STOX2: variants seen among roughly 807,000 people sequenced by gnomAD.
STOX2 encodes storkhead box 2.
Under a neutral mutation model 60.9 loss-of-function variants are expected in STOX2, and 28 were observed. That is an observed-to-expected ratio of 0.46 (90% CI 0.34 to 0.63). STOX2 has a LOEUF of 0.63. STOX2 is among the 30% of genes least tolerant of loss of function. The pLI is 0.01. For synonymous variants in STOX2, 472 were observed against 463.9 expected (o/e 1.02, Z -0.22); for missense variants, 1,024 against 1,187.7 (o/e 0.86, Z 2.03).
chr4:183,951,611 C>G (rs546444864), intron 1 of STOX2, among the ~76,000 whole-genome samples: 1 of 151,626 alleles, frequency 6.6e-6, no homozygotes, highest in East Asian at 2.0e-4. Context: ...CCGCTGCGCT[C>G]GGCAAGGAAG....
intron 1 of STOX2, among the ~76,000 whole-genome samples, chr4:183,909,817 T>C (rs1741728817): frequency 6.6e-6 from 1 of 152,240 alleles, no homozygotes; most frequent in Non-Finnish European, 1.5e-5. Flanking sequence ...TAATTACCAG[T>C]GTGAAATGTG....
intron 1 of STOX2, among the ~76,000 whole-genome samples, chr4:183,919,866 T>C (rs1382264964): frequency 6.6e-6 from 1 of 151,532 alleles, no homozygotes; most frequent in East Asian, 2.0e-4. Flanking sequence ...GGCCTCCCAG[T>C]GTGCTGGGAT....
At chr4:183,985,528 C>G (rs1015940851) in intron 1 of STOX2, among the ~76,000 whole-genome samples, 2 of 152,156 alleles carry the variant, frequency 1.3e-5, no homozygotes, top group Non-Finnish European at 2.9e-5. Flanking sequence ...CTTTCAGAGT[C>G]CTTGTGAAGA....
intron 1 of STOX2, among the ~76,000 whole-genome samples, chr4:183,839,755 A>G (rs1395611852): frequency 6.6e-6 from 1 of 152,234 alleles, no homozygotes; most frequent in African/African-American, 2.4e-5. Flanking sequence ...TTTGAAATAT[A>G]TGTGAGTTGT....
chr4:183,926,202 A>T (rs922609477), intron 1 of STOX2, among the ~76,000 whole-genome samples: 1 of 152,264 alleles, frequency 6.6e-6, no homozygotes. Context: ...TAAAACAGTC[A>T]AGATACATTA....
At chr4:183,876,732 C>T (rs963712962) in intron 1 of STOX2, among the ~76,000 whole-genome samples, 4 of 152,226 alleles carry the variant, frequency 2.6e-5, no homozygotes, top group South Asian at 4.1e-4. Context: ...AAGTCGTTCA[C>T]GGCTGCGCCT....
intron 1 of STOX2, among the ~76,000 whole-genome samples, chr4:183,983,119 C>T (rs765193296): frequency 2.6e-5 from 4 of 152,204 alleles, no homozygotes; most frequent in East Asian, 1.9e-4. Context: ...CTAACCACAT[C>T]GTCTCTGTTC....
chr4:183,803,189 T>C (rs965982305), intron 1 of STOX2, among the ~76,000 whole-genome samples: 1 of 152,148 alleles, frequency 6.6e-6, no homozygotes, highest in African/African-American at 2.4e-5. Context: ...TCCGTCCCCA[T>C]AATTCAGTCA....
intron 1 of STOX2, among the ~76,000 whole-genome samples, chr4:183,959,498 A>G (rs539637457): frequency 2.2e-4 from 34 of 152,298 alleles, no homozygotes; most frequent in African/African-American, 8.2e-4. Context: ...GCAGTGGTGC[A>G]TTTTGGTGAT....
At chr4:183,859,533 T>C (rs936681440) in intron 1 of STOX2, among the ~76,000 whole-genome samples, 2 of 151,960 alleles carry the variant, frequency 1.3e-5, no homozygotes, top group African/African-American at 4.8e-5. Context: ...GGCCAGATGG[T>C]GGGTGTTGGT....
At chr4:183,893,841 G>A (rs1741282860) in intron 1 of STOX2, among the ~76,000 whole-genome samples, 2 of 152,168 alleles carry the variant, frequency 1.3e-5, no homozygotes, top group South Asian at 4.1e-4. Context: ...GAGGGTACTA[G>A]TCTAAGCATT....
chr4:183,810,463 G>C (rs909667267), intron 1 of STOX2, among the ~76,000 whole-genome samples: 3 of 152,182 alleles, frequency 2.0e-5, no homozygotes. Flanking sequence ...ATGGGCAAGT[G>C]GCAATTCATT....
chr4:183,949,080 TA>T, intron 1 of STOX2, among the ~76,000 whole-genome samples: 1 of 152,282 alleles, frequency 6.6e-6, no homozygotes, highest in South Asian at 2.1e-4. Flanking sequence ...ATAGTTTTCA[TA>T]TTTTTTTTTT....
intron 1 of STOX2, among the ~76,000 whole-genome samples, chr4:183,916,613 A>G (rs1741937713): frequency 6.6e-6 from 1 of 152,206 alleles, no homozygotes; most frequent in African/African-American, 2.4e-5. Flanking sequence ...CCAAAACTGC[A>G]ATGACTTTTG....
intron 1 of STOX2, among the ~76,000 whole-genome samples, chr4:183,828,573 GTAAA>G (rs751411432): frequency 5.8e-4 from 89 of 152,262 alleles, no homozygotes; most frequent in Middle Eastern, 3.4e-3. Flanking sequence ...TTTGAGTAAA[GTAAA>G]TGAATGCAGT....
intron 1 of STOX2, among the ~76,000 whole-genome samples, chr4:183,857,658 C>A (rs1224935091): frequency 6.6e-6 from 1 of 152,194 alleles, no homozygotes; most frequent in Non-Finnish European, 1.5e-5. Flanking sequence ...CTCCTGAATC[C>A]CGGGCAGCTG....
chr4:183,799,822 G>T (rs1738720206), intron 1 of STOX2, among the ~76,000 whole-genome samples: 1 of 152,144 alleles, frequency 6.6e-6, no homozygotes, highest in Non-Finnish European at 1.5e-5. Flanking sequence ...AATTTTTAAA[G>T]GTTCCAAATT....
At position 183,830,605 on chromosome 4, in the gene STOX2, A is replaced by G. The variant is rs978024653; in HGVS notation, c.364+32550A>G. On this transcript the variant is annotated intron_variant, in intron 1 of 2. Coordinates refer to the STOX2 transcript ENST00000513034. The stretch of plus-strand genomic sequence containing the variant: ...GGCTGGTCTGGCCTGGCTAGTAGTC[A>G]CTCCTTGTGTGGCAGTTAGCTGAGG... Among the ~76,000 whole-genome samples the G allele has an allele frequency of 2.0e-5, 3 of 151,890 alleles. No homozygotes were observed. The Middle Eastern group carries it at 0.01, about 517-fold the overall frequency.
Position 183,857,350 on chromosome 4 carries a change from CGT to C in STOX2, c.364+59296_364+59297del, listed in dbSNP as rs1560849093. Among the ~76,000 whole-genome samples, 509 of 151,842 alleles carry C rather than the reference CGT, an allele frequency of 3.4e-3. 2 individuals are homozygous for C. Among genetic ancestry groups the C allele is most frequent in the African/African-American group, 0.011 (454 of 41,238 alleles). Reference sequence around the variant, plus strand: ...GGTTATCCCATAGGACTGGTTGCCTCGTAGGACTGGTCATCCCGCAGGACTGG... The same window carrying C: ...GGTTATCCCATAGGACTGGTTGCCTCAGGACTGGTCATCCCGCAGGACTGG... On this transcript the variant is annotated intron_variant, in intron 1 of 2. Transcript: ENST00000513034.
Sources: gnomAD v4.1 joint callset for allele counts (sites outside exome capture counted in the v4.1 genomes callset) on GRCh38, gnomAD v4.1.1 for gene constraint, MANE v1.5 for transcripts, NCBI Gene and HGNC (gene_info 2026-07-23, HGNC 2026-07-21) for gene names.